PINX1: variants seen among roughly 807,000 people sequenced by gnomAD.
PINX1 encodes PIN2/TERF1-interacting telomerase inhibitor 1.
PINX1 carries 34 observed loss-of-function variants against 25.4 expected under a neutral mutation model. The observed-to-expected ratio is 1.34, with a 90% CI of 1.02 to 1.78. PINX1 has a LOEUF of 1.78. Ranked by LOEUF, PINX1 falls within the 40% of genes most tolerant of loss-of-function variation. The pLI is 0.00. For synonymous variants in PINX1, 197 were observed against 147.7 expected, an observed-to-expected ratio of 1.33 and a Z score of -2.42; for missense variants, 592 against 404.9, an observed-to-expected ratio of 1.46 and a Z score of -3.97.
At chr8:10,767,010 G>A (rs188264576) in intron 6 of PINX1, among the ~76,000 whole-genome samples, 23 of 152,262 alleles carry the variant, frequency 1.5e-4, no homozygotes, top group Middle Eastern at 3.4e-3. Context: ...AGAGACTCTG[G>A]AAATAAGTCA....
chr8:10,777,807 G>A (rs6601525), intron 6 of PINX1, among the ~76,000 whole-genome samples: 59,069 of 152,010 alleles, frequency 0.39, 12,323 homozygotes, highest in Non-Finnish European at 0.47. Flanking sequence ...ACTGCCTTGT[G>A]CGACTGGCTC....
chr8:10,772,107 G>C (rs1316351004), intron 6 of PINX1, among the ~76,000 whole-genome samples: 2 of 152,254 alleles, frequency 1.3e-5, no homozygotes, highest in East Asian at 3.8e-4. Flanking sequence ...TGCCAGTAGA[G>C]ACTGAACTGT....
At chr8:10,826,358 A>C (rs1200967490) in intron 4 of PINX1, 114 bp from the exon 5 acceptor site, 1 of 583,888 alleles carries the variant, frequency 1.7e-6, no homozygotes, top group Non-Finnish European at 3.0e-6. Flanking sequence ...TTAATGATTG[A>C]ACTCTTTCAT....
At chr8:10,832,204 A>T (rs79507966) in intron 3 of PINX1, among the ~76,000 whole-genome samples, 3,460 of 152,262 alleles carry the variant, frequency 0.023, 151 homozygotes, top group African/African-American at 0.078. Flanking sequence ...CAAAACTCTG[A>T]GGAAGGGGAG....
rs777734230 is a variant in PINX1 at position 10,765,681 on chromosome 8, G to A, written c.707C>T (p.Thr236Met). The A allele has an allele frequency of 9.9e-6, 16 of 1,613,868 alleles. No homozygotes were observed. Among genetic ancestry groups the A allele is most frequent in the African/African-American group, 5.3e-5 (4 of 74,924 alleles). Residue 236 changes from threonine (T) to methionine (M), a missense_variant, in exon 7 of 7, where the codon ACG (threonine) becomes ATG (methionine). Physicochemically the swap from Thr to Met is moderately conservative, Grantham distance 81. Coordinates refer to ENST00000314787, the MANE Select transcript of PINX1 (RefSeq NM_017884.6). The part of the protein sequence containing the change: ...SYLQPKAKRH[T>M]EGKPERAEAQ... Reference sequence around the variant, plus strand: ...CTCGGCCCTCTCGGGCTTTCCCTCCGTGTGCCTCTTGGCCTTAGGCTGGAG... The same window carrying A: ...CTCGGCCCTCTCGGGCTTTCCCTCCATGTGCCTCTTGGCCTTAGGCTGGAG...
chr8:10,834,357 A>G, intron 2 of PINX1: 1 of 266,764 alleles, frequency 3.7e-6, no homozygotes, highest in East Asian at 8.4e-5. Context: ...CTCAACAAGA[A>G]CCATTTAAGT....
chr8:10,816,356 C>G (rs1444731753), intron 6 of PINX1, among the ~76,000 whole-genome samples: 1 of 152,190 alleles, frequency 6.6e-6, no homozygotes, highest in Non-Finnish European at 1.5e-5. Flanking sequence ...AGAAAAAACC[C>G]TCATGACTAT....
chr8:10,778,629 G>A (rs1801488332), intron 6 of PINX1, among the ~76,000 whole-genome samples: 1 of 152,176 alleles, frequency 6.6e-6, no homozygotes, highest in African/African-American at 2.4e-5. Flanking sequence ...GATTCACAAT[G>A]CATATCACCA....
intron 5 of PINX1, among the ~76,000 whole-genome samples, chr8:10,824,080 C>G (rs1421995051): frequency 6.6e-6 from 1 of 151,718 alleles, no homozygotes; most frequent in South Asian, 2.1e-4. Context: ...ATCTACAATG[C>G]TGAAAAAGCA....
chr8:10,802,695 C>A (rs1224284432), intron 6 of PINX1, among the ~76,000 whole-genome samples: 1 of 152,164 alleles, frequency 6.6e-6, no homozygotes, highest in Non-Finnish European at 1.5e-5. Context: ...CACCTCACTT[C>A]GGTCCCATGG....
intron 6 of PINX1, among the ~76,000 whole-genome samples, chr8:10,783,976 T>A (rs569811240): frequency 3.9e-5 from 6 of 152,166 alleles, no homozygotes; most frequent in Non-Finnish European, 7.3e-5. Flanking sequence ...TCACTAATGT[T>A]AAGAAGGTGC....
intron 1 of PINX1, among the ~76,000 whole-genome samples, chr8:10,838,958 T>A (rs1798486580): frequency 6.6e-6 from 1 of 152,248 alleles, no homozygotes; most frequent in South Asian, 2.1e-4. Flanking sequence ...ATCCCTGTGC[T>A]GGTCTGCTTG....
At chr8:10,795,110 A>G (rs1391153676) in intron 6 of PINX1, among the ~76,000 whole-genome samples, 1 of 152,242 alleles carries the variant, frequency 6.6e-6, no homozygotes, top group Non-Finnish European at 1.5e-5. Context: ...TGACTTTATA[A>G]ATGCAAAATT....
chr8:10,775,290 C>T (rs900300575), intron 6 of PINX1, among the ~76,000 whole-genome samples: 7 of 152,166 alleles, frequency 4.6e-5, no homozygotes, highest in Non-Finnish European at 7.4e-5. Flanking sequence ...AGACCTGCCT[C>T]GCTGGCAACA....
chr8:10,772,645 G>C (rs1052316632), intron 6 of PINX1, among the ~76,000 whole-genome samples: 1 of 152,224 alleles, frequency 6.6e-6, no homozygotes, highest in Non-Finnish European at 1.5e-5. Context: ...GACACAATCA[G>C]TTTTAGCATT....
chr8:10,834,303 A>G, intron 2 of PINX1: 2 of 191,276 alleles, frequency 1.0e-5, no homozygotes, highest in South Asian at 2.4e-4. Context: ...TGTGAGAACA[A>G]AACAAGCGGC....
chr8:10,812,277 T>C (rs1204926043), intron 6 of PINX1, among the ~76,000 whole-genome samples: 1 of 152,172 alleles, frequency 6.6e-6, no homozygotes, highest in Non-Finnish European at 1.5e-5. Flanking sequence ...TCAAGAAGAA[T>C]CCAAGTAATG....
At chr8:10,771,633 A>C (rs774211590) in intron 6 of PINX1, among the ~76,000 whole-genome samples, 7 of 152,140 alleles carry the variant, frequency 4.6e-5, no homozygotes, top group Non-Finnish European at 1.0e-4. Context: ...AAGACACCAA[A>C]CCCAGCTGGA....
At chr8:10,815,842 G>T (rs984836546) in intron 6 of PINX1, among the ~76,000 whole-genome samples, 1 of 152,142 alleles carries the variant, frequency 6.6e-6, no homozygotes. Flanking sequence ...ATCTCTACAA[G>T]GAGTTCTCTA....
Sources: gnomAD v4.1 joint callset for allele counts (sites outside exome capture counted in the v4.1 genomes callset) on GRCh38, gnomAD v4.1.1 for gene constraint, MANE v1.5 for transcripts, NCBI Gene and HGNC (gene_info 2026-07-23, HGNC 2026-07-21) for gene names.